FHOD3: variants seen among roughly 807,000 people sequenced by gnomAD.
FHOD3 encodes FH1/FH2 domain-containing protein 3.
A neutral mutation model predicts 173.0 loss-of-function variants in FHOD3; 90 were observed. The ratio of observed to expected loss-of-function variants is 0.52; its 90% CI spans 0.44 to 0.62. FHOD3 has a LOEUF of 0.62. FHOD3 is among the 20% of genes least tolerant of loss of function. The pLI, the probability that FHOD3 is intolerant of heterozygous loss-of-function variation, is 0.00. For synonymous variants in FHOD3, 828 were observed against 823.0 expected, an observed-to-expected ratio of 1.01 and a Z score of -0.10; for missense variants, 1,945 against 2,034.7, an observed-to-expected ratio of 0.96 and a Z score of 0.85.
chr18:36,521,625 T>C (rs1057050069), intron 5 of FHOD3, among the ~76,000 whole-genome samples: 1 of 152,164 alleles, frequency 6.6e-6, no homozygotes, highest in Non-Finnish European at 1.5e-5. Flanking sequence ...ATTTGTTCCT[T>C]CCTAACCTGC....
At chr18:36,336,234 T>G (rs9965224) in intron 1 of FHOD3, among the ~76,000 whole-genome samples, 7,977 of 152,254 alleles carry the variant, frequency 0.052, 427 homozygotes, top group African/African-American at 0.13. Flanking sequence ...TCAAGTCCCT[T>G]CACCTTGAAT....
chr18:36,338,167 T>C (rs537486653), intron 1 of FHOD3, among the ~76,000 whole-genome samples: 87 of 152,320 alleles, frequency 5.7e-4, no homozygotes, highest in Admixed American at 2.2e-3. Flanking sequence ...TGAAACTAAA[T>C]GAAGAAACTG....
chr18:36,583,828 C>CTAT (rs1292168630), intron 6 of FHOD3, among the ~76,000 whole-genome samples: 2 of 150,606 alleles, frequency 1.3e-5, no homozygotes, highest in East Asian at 3.9e-4. Flanking sequence ...ATTATTATTA[C>CTAT]TATTATTATT....
intron 5 of FHOD3, among the ~76,000 whole-genome samples, chr18:36,568,287 G>A (rs1169368328): frequency 1.7e-5 from 2 of 119,618 alleles, no homozygotes; most frequent in Non-Finnish European, 3.2e-5. Context: ...GCAGCGAACT[G>A]AGATGGCACC....
chr18:36,749,199 G>C (rs1183349265), intron 24 of FHOD3, among the ~76,000 whole-genome samples: 1 of 152,082 alleles, frequency 6.6e-6, no homozygotes, highest in African/African-American at 2.4e-5. Context: ...TTTTATTTTA[G>C]GTTCAGGGAT....
At chr18:36,565,768 A>C (rs2058241497) in intron 5 of FHOD3, among the ~76,000 whole-genome samples, 1 of 152,226 alleles carries the variant, frequency 6.6e-6, no homozygotes, top group African/African-American at 2.4e-5. Context: ...AATGAAGTGA[A>C]GAGTGGGAAG....
intron 8 of FHOD3, among the ~76,000 whole-genome samples, chr18:36,605,359 A>C (rs578067460): frequency 6.6e-6 from 1 of 152,306 alleles, no homozygotes; most frequent in Admixed American, 6.5e-5. Flanking sequence ...CTTTGTTGCT[A>C]ATCACTGGCA....
chr18:36,323,624 T>C (rs2044516102), intron 1 of FHOD3, among the ~76,000 whole-genome samples: 1 of 152,188 alleles, frequency 6.6e-6, no homozygotes, highest in Non-Finnish European at 1.5e-5. Context: ...GAGCACAAAC[T>C]GCCAAGGCCA....
intron 18 of FHOD3, chr18:36,710,040 T>C (rs1001318066): frequency 1.3e-5 from 2 of 152,306 alleles, no homozygotes; most frequent in Non-Finnish European, 2.9e-5. Context: ...ATCTTTTTGA[T>C]GTTACACTTA....
chr18:36,337,359 C>G (rs558819749), intron 1 of FHOD3, among the ~76,000 whole-genome samples: 1 of 152,258 alleles, frequency 6.6e-6, no homozygotes, highest in African/African-American at 2.4e-5. Context: ...TAGCCCTGCA[C>G]TGGGCTGGTA....
intron 8 of FHOD3, among the ~76,000 whole-genome samples, chr18:36,606,558 C>T (rs960195181): frequency 6.6e-6 from 1 of 152,132 alleles, no homozygotes; most frequent in African/African-American, 2.4e-5. Flanking sequence ...CCCCCTGTCC[C>T]CAAAATTCAT....
chr18:36,572,948 AGTTT>A (rs898304378), intron 5 of FHOD3, among the ~76,000 whole-genome samples: 11 of 151,922 alleles, frequency 7.2e-5, no homozygotes, highest in East Asian at 1.9e-4. Context: ...GAGACTTGCC[AGTTT>A]GTTTGGGAAG....
chr18:36,349,827 G>A (rs774573726), intron 1 of FHOD3, among the ~76,000 whole-genome samples: 21 of 152,090 alleles, frequency 1.4e-4, no homozygotes, highest in South Asian at 4.2e-4. Context: ...GTGCAGTGGC[G>A]CAATCTTGGC....
At chr18:36,460,476 A>G (rs1356976110) in intron 3 of FHOD3, among the ~76,000 whole-genome samples, 1 of 152,360 alleles carries the variant, frequency 6.6e-6, no homozygotes, top group African/African-American at 2.4e-5. Flanking sequence ...TAATACAATC[A>G]TTGTGTGATG....
chr18:36,341,414 A>G (rs1308146132), intron 1 of FHOD3, among the ~76,000 whole-genome samples: 2 of 152,188 alleles, frequency 1.3e-5, no homozygotes, highest in Non-Finnish European at 2.9e-5. Flanking sequence ...AGACCCCAGA[A>G]AAAAAGGAGA....
intron 3 of FHOD3, among the ~76,000 whole-genome samples, chr18:36,431,355 T>C (rs773579442): frequency 3.0e-4 from 46 of 152,190 alleles, no homozygotes; most frequent in Non-Finnish European, 6.3e-4. Context: ...CTGGAAAGGA[T>C]GCAGGAGGAA....
chr18:36,652,599 C>A lies in FHOD3; in HGVS notation c.1316C>A (p.Pro439His). The A allele has an allele frequency of 6.5e-7, 1 of 1,534,630 alleles. No individual in the cohort carries two copies. Among genetic ancestry groups the A allele is most frequent in the South Asian group, 1.2e-5 (1 of 83,982 alleles). Residue 439 changes from proline to histidine, a missense_variant, in exon 12 of 29, where the codon CCC becomes CAC. Physicochemically the swap from Pro to His is moderately conservative, Grantham distance 77. This residue lies in a region of FHOD3 where 1,099 missense variants were observed against 1,051.2 expected (regional missense o/e 1.05). Transcript: ENST00000590592. ...SKVGAASGQSPTGRDAAPKSS... is the reference protein window; with the variant it reads ...SKVGAASGQSHTGRDAAPKSS... ...GTCGGCGCTGCCTCAGGGCAGAGCC[C>A]CACTGGAAGGGATGCTGCTCCCAAG...
rs77582564 is a variant in FHOD3, at chr18:36,578,617, C to T, written c.606+2072C>T. Among the ~76,000 whole-genome samples the T allele has an allele frequency of 4.3e-4, 66 of 152,286 alleles. No homozygotes were observed. In the East Asian group the frequency reaches 0.012, roughly 28 times the overall value. On this transcript the variant is annotated intron_variant, in intron 6 of 28. Transcript: ENST00000590592. ...TCTGCTGGGGAGTCCATCCCCTGGC[C>T]CTACCCCTGGAGTCACCTGCCTCCC...
intron 3 of FHOD3, among the ~76,000 whole-genome samples, chr18:36,488,501 CTTATAGCCCTGAGTGCAG>C (rs1438732466): frequency 1.3e-5 from 2 of 152,156 alleles, no homozygotes; most frequent in African/African-American, 2.4e-5. Context: ...CAGGAGGCAT[CTTATAGCCCTGAGTGCAG>C]TGCCCAGGAA....
Sources: gnomAD v4.1 joint callset for allele counts (sites outside exome capture counted in the v4.1 genomes callset) on GRCh38, gnomAD v4.1.1 for gene constraint, gnomAD v4.1.1 regional missense constraint, MANE v1.5 for transcripts, NCBI Gene and HGNC (gene_info 2026-07-23, HGNC 2026-07-21) for gene names.